NRXN3: variants seen among roughly 807,000 people sequenced by gnomAD.
The protein encoded by NRXN3 is neurexin III.
A neutral mutation model predicts 137.6 loss-of-function variants in NRXN3; 32 were observed. That is an observed-to-expected ratio of 0.23 (90% CI 0.18 to 0.31). NRXN3 has a LOEUF of 0.31. NRXN3 is among the 10% of genes least tolerant of loss of function. NRXN3 has a pLI of 1.00. For synonymous variants in NRXN3, 798 were observed against 784.5 expected (o/e 1.02, Z -0.29); for missense variants, 1,574 against 2,062.5 (o/e 0.76, Z 4.59).
chr14:79,366,203 A>G (rs368169375), intron 15 of NRXN3, among the ~76,000 whole-genome samples: 15 of 152,196 alleles, frequency 9.9e-5, no homozygotes, highest in African/African-American at 3.6e-4. Context: ...TAATAAGTAT[A>G]TATGTATGGT....
rs551229549 is a variant in NRXN3, at chr14:78,262,080, G to C, written c.710-16565G>C. On this transcript the variant is annotated intron_variant, in intron 2 of 20. Transcript: ENST00000335750. ...GGGTAGTCAGGGAGGTGTTTCTGAGGAGGTGACATCCAAAGATGAGAAGGA... is the reference window on the plus strand; with the variant it reads ...GGGTAGTCAGGGAGGTGTTTCTGAGCAGGTGACATCCAAAGATGAGAAGGA... Among the ~76,000 whole-genome samples, 106 of 152,318 alleles carry C rather than the reference G, an allele frequency of 7.0e-4. 1 individual carries two copies. The highest frequency in any genetic ancestry group is 2.5e-3 in the African/African-American group (104 of 41,582).
intron 15 of NRXN3, among the ~76,000 whole-genome samples, chr14:79,356,317 C>T (rs2153403961): frequency 6.6e-6 from 1 of 152,166 alleles, no homozygotes; most frequent in South Asian, 2.1e-4. Context: ...AGGCATAGCT[C>T]CTCATTATGG....
At position 79,861,931 on chromosome 14, in the gene NRXN3, A is replaced by G. The variant is rs1451783863; in HGVS notation, c.4683A>G (p.Lys1561=). 6.2e-7 allele frequency: 1 copy of G among 1,613,716 alleles called. No individual in the cohort carries two copies. The highest frequency in any genetic ancestry group is 8.5e-7 in the Non-Finnish European group (1 of 1,179,798). Residue 1561 remains lysine, a synonymous_variant, in exon 21 of 21, where the codon AAA becomes AAG. Coordinates refer to ENST00000335750, the MANE Select transcript of NRXN3 (RefSeq NM_001330195.2). The surrounding 1 kb of genome is among the most constrained non-coding windows in gnomAD (Gnocchi z 5.4). ...KQQSSKSGHK[K]QKNKDREYYV is the part of the protein sequence containing the mutation. ...AGAGCTCGAAGAGCGGCCACAAGAA[A>G]CAGAAAAACAAGGACAGGGAGTATT...
chr14:78,680,156 AT>A (rs928560542), intron 6 of NRXN3, among the ~76,000 whole-genome samples: 6 of 152,124 alleles, frequency 3.9e-5, no homozygotes, highest in Non-Finnish European at 7.4e-5. Flanking sequence ...GCATATTCTT[AT>A]TTATAAGTGG....
At chr14:79,299,408 A>C (rs931628348) in intron 15 of NRXN3, among the ~76,000 whole-genome samples, 2 of 152,140 alleles carry the variant, frequency 1.3e-5, no homozygotes, top group African/African-American at 4.8e-5. Context: ...CTTTGCAAGC[A>C]ATATAGTCTC....
At chr14:79,106,069 CTA>C (rs2052376520) in intron 15 of NRXN3, among the ~76,000 whole-genome samples, 2 of 152,058 alleles carry the variant, frequency 1.3e-5, no homozygotes, top group Admixed American at 1.3e-4. Context: ...AGACTGTTCT[CTA>C]TAGTTTTAAA....
chr14:79,838,432 CTAAAAA>C lies in NRXN3; in HGVS notation c.4094-22904_4094-22899del, dbSNP rs573725684. Among the ~76,000 whole-genome samples, 114 of 152,166 alleles carry C rather than the reference CTAAAAA, an allele frequency of 7.5e-4. 1 individual carries two copies. Among genetic ancestry groups the C allele is most frequent in the Non-Finnish European group, 1.2e-3 (84 of 67,994 alleles). On this transcript the variant is annotated intron_variant, in intron 20 of 20. Transcript: ENST00000335750. ...TTTTAAATTAAATGTGGCAGTATTG[CTAAAAA>C]TAAAATTTAGTGTTTCTCAAATTTT...
intron 15 of NRXN3, among the ~76,000 whole-genome samples, chr14:79,168,983 A>T (rs948684868): frequency 5.3e-5 from 8 of 152,112 alleles, no homozygotes; most frequent in African/African-American, 1.9e-4. Flanking sequence ...AATATTGAAC[A>T]TAGCACATGA....
intron 19 of NRXN3, among the ~76,000 whole-genome samples, chr14:79,776,470 C>G (rs1245524767): frequency 6.6e-6 from 1 of 152,202 alleles, no homozygotes; most frequent in Non-Finnish European, 1.5e-5. Context: ...TCTCCAAAAT[C>G]AGGATTTCTT....
intron 4 of NRXN3, among the ~76,000 whole-genome samples, chr14:78,382,554 C>G (rs937883087): frequency 2.0e-5 from 3 of 152,110 alleles, no homozygotes; most frequent in Non-Finnish European, 4.4e-5. Flanking sequence ...GTTAGGAAAC[C>G]CTTGTGGTTA....
chr14:78,853,237 G>T (rs376057366), intron 10 of NRXN3, among the ~76,000 whole-genome samples: 78 of 152,146 alleles, frequency 5.1e-4, no homozygotes, highest in African/African-American at 1.8e-3. Flanking sequence ...CCCACAACAG[G>T]CCCCGGTGTG....
intron 4 of NRXN3, among the ~76,000 whole-genome samples, chr14:78,341,712 C>A (rs2082165388): frequency 6.6e-6 from 1 of 152,156 alleles, no homozygotes; most frequent in African/African-American, 2.4e-5. Context: ...GAAAGGATTG[C>A]ACTAAATCCC....
At chr14:78,986,686 A>T (rs1044115179) in intron 14 of NRXN3, among the ~76,000 whole-genome samples, 3 of 152,136 alleles carry the variant, frequency 2.0e-5, no homozygotes, top group African/African-American at 4.8e-5. Context: ...AGCACAAATG[A>T]TTCTCTTTTG....
At chr14:79,751,057 CT>C in intron 19 of NRXN3, among the ~76,000 whole-genome samples, 1 of 151,802 alleles carries the variant, frequency 6.6e-6, no homozygotes, top group East Asian at 1.9e-4. Context: ...GATGCAGGCT[CT>C]TTTTTGGTTC....
At chr14:79,767,920 G>A (rs974137854) in intron 19 of NRXN3, among the ~76,000 whole-genome samples, 6 of 152,324 alleles carry the variant, frequency 3.9e-5, no homozygotes, top group East Asian at 3.9e-4. Flanking sequence ...TGCATGCACC[G>A]TGCGCGAGCC....
At chr14:78,182,663 G>T (rs2153355684) in intron 1 of NRXN3, among the ~76,000 whole-genome samples, 1 of 152,132 alleles carries the variant, frequency 6.6e-6, no homozygotes, top group East Asian at 1.9e-4. Context: ...TAGAGACGGG[G>T]TTGCTCCATG....
intron 4 of NRXN3, among the ~76,000 whole-genome samples, chr14:78,380,450 G>A (rs372807979): frequency 6.6e-6 from 1 of 152,098 alleles, no homozygotes; most frequent in African/African-American, 2.4e-5. Flanking sequence ...TTATCTGGGT[G>A]GGCATAAATC....
At chr14:78,560,608 A>C (rs1415392766) in intron 4 of NRXN3, among the ~76,000 whole-genome samples, 2 of 152,178 alleles carry the variant, frequency 1.3e-5, no homozygotes, top group African/African-American at 4.8e-5. Flanking sequence ...GAGAGTTATT[A>C]CAAGCCAGCT....
intron 5 of NRXN3, chr14:78,649,221 T>C: frequency 7.7e-7 from 1 of 1,307,188 alleles, no homozygotes; most frequent in Non-Finnish European, 1.0e-6. Flanking sequence ...TTAACAATCG[T>C]TCTGTTCACA....
Sources: gnomAD v4.1 joint callset for allele counts (sites outside exome capture counted in the v4.1 genomes callset) on GRCh38, gnomAD v4.1.1 for gene constraint, Gnocchi (gnomAD v3.1) non-coding constraint, MANE v1.5 for transcripts, NCBI Gene and HGNC (gene_info 2026-07-23, HGNC 2026-07-21) for gene names.